Variants in PFKFB3 observed in about 807,000 individuals in gnomAD.
PFKFB3 encodes the protein 6-phosphofructo-2-kinase/fructose-2,6-bisphosphatase 3.
PFKFB3 carries 33 observed loss-of-function variants against 68.0 expected under a neutral mutation model. The ratio of observed to expected loss-of-function variants is 0.49; its 90% confidence interval spans 0.37 to 0.65. PFKFB3 has a LOEUF of 0.65. PFKFB3 is among the 30% of genes least tolerant of loss of function. The pLI is 0.00. For synonymous variants in PFKFB3, 315 were observed against 288.2 expected, an observed-to-expected ratio of 1.09 and a Z score of -0.94; for missense variants, 586 against 712.2, an observed-to-expected ratio of 0.82 and a Z score of 2.02.
Position 6,228,718 on chromosome 10 carries a change from A to G in PFKFB3, c.1515+2353A>G, listed in dbSNP as rs918804717. Among the ~76,000 whole-genome samples the G allele has an allele frequency of 1.3e-5, 2 of 151,978 alleles. No individual in the cohort carries two copies. Among genetic ancestry groups the G allele is most frequent in the Admixed American group, 1.3e-4 (2 of 15,264 alleles). On this transcript the variant is annotated intron_variant, in intron 14 of 14. Coordinates refer to ENST00000379775, the MANE Select transcript of PFKFB3 (RefSeq NM_004566.4). The surrounding 1 kb of genome is among the most constrained non-coding windows in gnomAD (Gnocchi z 4.5). ...GGAGTGTGGTGGGGCCTGAGCTCTG[A>G]GCCTCTCCCTCCCCATGAGGACCCC...
At chr10:6,268,760 G>A in the PFKFB3 span, among the ~76,000 whole-genome samples, 2 of 151,360 alleles carry the variant, frequency 1.3e-5, no homozygotes, top group Admixed American at 1.3e-4. Context: ...TGTGGCTCAT[G>A]CCTATAATCC....
intron 1 of PFKFB3, among the ~76,000 whole-genome samples, chr10:6,155,531 G>A (rs770640042): frequency 9.9e-5 from 15 of 152,032 alleles, no homozygotes; most frequent in Non-Finnish European, 1.8e-4. Flanking sequence ...CAGGGTTTCC[G>A]TGTAAATACT....
intron 1 of PFKFB3, chr10:6,163,887 G>T (rs118001423): frequency 0.013 from 2,032 of 152,358 alleles, 75 homozygotes; most frequent in East Asian, 0.12. Context: ...CGTGAGCTCC[G>T]CGTGGATCCG....
intron 1 of PFKFB3, among the ~76,000 whole-genome samples, chr10:6,189,130 C>T (rs977131991): frequency 6.6e-6 from 1 of 152,196 alleles, no homozygotes; most frequent in South Asian, 2.1e-4. Flanking sequence ...TGAGCCACCG[C>T]ACCTGGCGAT....
intron 1 of PFKFB3, among the ~76,000 whole-genome samples, chr10:6,166,716 G>A (rs575945984): frequency 2.6e-4 from 39 of 152,092 alleles, no homozygotes; most frequent in Admixed American, 2.6e-3. Context: ...GGGCCCAGGT[G>A]CCCTTGGACT....
chr10:6,231,793 T>C (rs1845762830), intron 14 of PFKFB3, among the ~76,000 whole-genome samples: 1 of 149,210 alleles, frequency 6.7e-6, no homozygotes, highest in Non-Finnish European at 1.5e-5. Context: ...GCAGCCGTCA[T>C]CCCCTGGCAG....
chr10:6,251,245 A>G (rs1846374772), intron 14 of PFKFB3, among the ~76,000 whole-genome samples: 1 of 152,206 alleles, frequency 6.6e-6, no homozygotes, highest in Non-Finnish European at 1.5e-5. Flanking sequence ...TGAATCTTCA[A>G]AAAGTCCCTG....
At chr10:6,148,248 T>A (rs1000660327) in intron 1 of PFKFB3, among the ~76,000 whole-genome samples, 1 of 152,020 alleles carries the variant, frequency 6.6e-6, no homozygotes, top group African/African-American at 2.4e-5. Context: ...GGAGAGGGTG[T>A]GGCACTGGTT....
the PFKFB3 span, among the ~76,000 whole-genome samples, chr10:6,271,588 G>T: frequency 1.3e-5 from 2 of 151,960 alleles, no homozygotes; most frequent in Non-Finnish European, 1.5e-5. Context: ...TCCAGTCCTG[G>T]TTCAGTACTC....
At chr10:6,210,349 TTTTTTTG>T (rs1844094501) in intron 1 of PFKFB3, among the ~76,000 whole-genome samples, 3 of 12,910 alleles carry the variant, frequency 2.3e-4, no homozygotes, top group East Asian at 8.1e-3. Flanking sequence ...TTTTTTTGTT[TTTTTTTG>T]TTTTTTTGTT....
At chr10:6,261,863 C>T in the PFKFB3 span, among the ~76,000 whole-genome samples, 2 of 152,062 alleles carry the variant, frequency 1.3e-5, no homozygotes, top group South Asian at 2.1e-4. Flanking sequence ...GGCATCATGG[C>T]ACACATCGGT....
chr10:6,224,194 CA>C lies in PFKFB3; in HGVS notation c.1323del (p.His442ThrfsTer16), dbSNP rs768753859. The C allele has an allele frequency of 6.2e-7, 1 of 1,614,168 alleles. No individual in the cohort carries two copies. The highest frequency in any genetic ancestry group is 2.2e-5 in the East Asian group (1 of 44,876). ...TACCTGAACGTGGAGTCCGTCTGCACACACCGGGAGAGGTCAGAGGTGAGTG... is the reference window on the plus strand; with the variant it reads ...TACCTGAACGTGGAGTCCGTCTGCACCACCGGGAGAGGTCAGAGGTGAGTG... Reference protein sequence around the residue: ...SIYLNVESVCTHRERSEDAKK... With the variant: ...SIYLNVESVCXHRERSEDAKK... On this transcript the variant is annotated frameshift_variant, in exon 13 of 15. Coordinates refer to ENST00000379775, the MANE Select transcript of PFKFB3 (RefSeq NM_004566.4). LOFTEE classifies it high-confidence loss of function.
At chr10:6,147,775 A>T (rs1274005338) in intron 1 of PFKFB3, among the ~76,000 whole-genome samples, 1 of 151,848 alleles carries the variant, frequency 6.6e-6, no homozygotes, top group Non-Finnish European at 1.5e-5. Context: ...GGGGTGGTCC[A>T]TACAGGGGAC....
Position 6,234,645 on chromosome 10 carries a change from TA to T in PFKFB3, c.*1704del, listed in dbSNP as rs1283560399. 5.9e-5 allele frequency: 9 copies of T among 152,142 alleles called. No homozygotes were observed. The highest frequency in any genetic ancestry group is 5.9e-4 in the Admixed American group (9 of 15,238). 9.4% of individuals were successfully genotyped at this position (152,142 alleles called of 1,614,324 possible). A position where few individuals can be genotyped will look rare whatever the true frequency, so the allele number is the denominator to read the frequency against. On this transcript the variant is annotated 3_prime_UTR_variant, in exon 15 of 15. Transcript: ENST00000379775. ...GTTGAGTCTCATCAGAATATGTGGGTAGGGGGTGGACGTGCACGGGTGCATG... is the reference window on the plus strand; with the variant it reads ...GTTGAGTCTCATCAGAATATGTGGGTGGGGGTGGACGTGCACGGGTGCATG...
chr10:6,193,617 CTG>C (rs1374332766), intron 1 of PFKFB3, among the ~76,000 whole-genome samples: 16 of 152,188 alleles, frequency 1.1e-4, no homozygotes, highest in Non-Finnish European at 1.0e-4. Context: ...AGCAACAAGG[CTG>C]TTGATTTCAC....
intron 1 of PFKFB3, among the ~76,000 whole-genome samples, chr10:6,192,489 G>A (rs1843056663): frequency 6.6e-6 from 1 of 151,586 alleles, no homozygotes; most frequent in Non-Finnish European, 1.5e-5. Flanking sequence ...CCAGCCTAGG[G>A]TTGCTCCGTG....
At chr10:6,262,379 T>C in the PFKFB3 span, among the ~76,000 whole-genome samples, 1 of 68,404 alleles carries the variant, frequency 1.5e-5, no homozygotes, top group Non-Finnish European at 3.6e-5. Context: ...GCGTGAACCC[T>C]GGGGGGCGGA....
the PFKFB3 span, among the ~76,000 whole-genome samples, chr10:6,282,041 C>G: frequency 2.3e-4 from 35 of 151,438 alleles, no homozygotes; most frequent in Non-Finnish European, 4.4e-4. Context: ...ACCTTCACGG[C>G]ACACTACAGG....
At chr10:6,164,591 A>T (rs1842073611) in intron 1 of PFKFB3, among the ~76,000 whole-genome samples, 1 of 152,122 alleles carries the variant, frequency 6.6e-6, no homozygotes, top group Non-Finnish European at 1.5e-5. Context: ...GGCCCAGGGG[A>T]CTGGCACTCA....
Sources: allele counts gnomAD v4.1 joint callset (sites outside exome capture counted in the v4.1 genomes callset), GRCh38; gene constraint gnomAD v4.1.1; non-coding constraint Gnocchi (gnomAD v3.1); transcripts MANE v1.5; gene names NCBI Gene and HGNC (gene_info 2026-07-23, HGNC 2026-07-21).